The following PRR14L variants were observed in gnomAD, a reference collection of about 807,000 sequenced individuals.
PRR14L encodes proline rich 14 like.
A neutral mutation model predicts 155.0 loss-of-function variants in PRR14L; 80 were observed. The observed-to-expected ratio is 0.52, with a 90% confidence interval of 0.43 to 0.62. PRR14L has a LOEUF of 0.62. PRR14L is among the 20% of genes least tolerant of loss of function. PRR14L has a pLI of 0.00. For missense variants in PRR14L, 2,469 were observed against 2,548.0 expected, an observed-to-expected ratio of 0.97 and a Z score of 0.67; for synonymous variants, 883 against 916.0, an observed-to-expected ratio of 0.96 and a Z score of 0.65.
intron 3 of PRR14L, 129 bp downstream of exon 3, chr22:31,725,409 T>C (rs953474444): frequency 2.4e-5 from 16 of 655,484 alleles, no homozygotes; most frequent in African/African-American, 2.0e-4. Flanking sequence ...AAGTTACAGT[T>C]TCTATAGTTA....
At chr22:31,723,533 T>C (rs1004160908) in intron 3 of PRR14L, among the ~76,000 whole-genome samples, 7 of 152,200 alleles carry the variant, frequency 4.6e-5, no homozygotes, top group African/African-American at 1.7e-4. Flanking sequence ...ACAGCAATAC[T>C]GGAGCCCAAC....
In PRR14L at chr22:31,685,693, C is replaced by T. The variant is rs1178245360; in HGVS notation, c.6290G>A (p.Arg2097Gln). ...GACTTTGCCTCGAGCTCTCCTCTTT[C>T]GCGGGACTGTAAAATCCTGAAATTC... ...VLEFQDFTVP[R>Q]KRRARGKVKV... Residue 2097 changes from arginine to glutamine, a missense_variant, in exon 9 of 9, where the codon CGA (arginine) becomes CAA (glutamine). Transcript: ENST00000327423. 5.8e-6 allele frequency: 9 copies of T among 1,551,720 alleles called. No individual in the cohort carries two copies. Among genetic ancestry groups the T allele is most frequent in the East Asian group, 2.4e-5 (1 of 40,926 alleles).
chr22:31,730,653 T>A (rs971515335), intron 2 of PRR14L, among the ~76,000 whole-genome samples: 1 of 152,164 alleles, frequency 6.6e-6, no homozygotes, highest in African/African-American at 2.4e-5. Context: ...CTAATAAATA[T>A]CTTGTAGGGA....
At chr22:31,726,276 G>A (rs1039278399) in intron 2 of PRR14L, among the ~76,000 whole-genome samples, 2 of 151,642 alleles carry the variant, frequency 1.3e-5, no homozygotes, top group Admixed American at 6.6e-5. Context: ...GATTACAGGC[G>A]CCCACCACTA....
rs956355941 is a variant in PRR14L at position 31,713,158 on chromosome 22, C to T, written c.4681G>A (p.Ala1561Thr). Residue 1561 changes from alanine to threonine, a missense_variant, in exon 4 of 9, where the codon GCG becomes ACG. Physicochemically the swap from Ala to Thr is moderately conservative, Grantham distance 58. Around this residue, in one of 2 missense-constraint regions of PRR14L, gnomAD observed 2,363 missense variants for 2,371.6 expected, o/e 1.00. Transcript: ENST00000327423. Reference sequence around the variant, plus strand: ...GTACACAAACTGAGAAGTCTGTGCGCTTTTGTGGGGATGGGATTGGAAGAA... The same window carrying T: ...GTACACAAACTGAGAAGTCTGTGCGTTTTTGTGGGGATGGGATTGGAAGAA... ...KSSSNPIPTKAHRLLSLCTLS... is the reference protein window; with the variant it reads ...KSSSNPIPTKTHRLLSLCTLS... 6.4e-6 allele frequency: 10 copies of T among 1,551,870 alleles called. No individual in the cohort carries two copies. The African/African-American group carries it at 1.4e-4, about 21-fold the overall frequency.
At position 31,716,423 on chromosome 22, in the gene PRR14L, T is replaced by G; in HGVS notation, c.1416A>C (p.Leu472Phe). The change falls in exon 4 of 9, where the codon TTA becomes TTC. Residue 472 changes from leucine (L) to phenylalanine (F), a missense_variant. Leu to Phe is a conservative substitution (Grantham distance 22, BLOSUM62 0). Transcript: ENST00000327423. ...NSFTEATEVMLNKNDLKITVH... is the reference protein window; with the variant it reads ...NSFTEATEVMFNKNDLKITVH... ...CAGTAATTTTCAAATCATTTTTATTTAACATTACTTCTGTGGCTTCAGTAA... is the reference window on the plus strand; with the variant it reads ...CAGTAATTTTCAAATCATTTTTATTGAACATTACTTCTGTGGCTTCAGTAA... The G allele has an allele frequency of 6.4e-7, 1 of 1,550,730 alleles. No individual in the cohort carries two copies. The highest frequency in any genetic ancestry group is 2.4e-5 in the East Asian group (1 of 40,912).
At chr22:31,727,990 A>G (rs967981279) in intron 2 of PRR14L, among the ~76,000 whole-genome samples, 14 of 152,022 alleles carry the variant, frequency 9.2e-5, no homozygotes, top group Admixed American at 6.6e-4. Flanking sequence ...GAAAAAAAAA[A>G]AAAAGAAAAG....
chr22:31,703,702 C>A lies in PRR14L; in HGVS notation c.5848G>T (p.Ala1950Ser). ...SQTRLEPPFP[A>S]LVPKSCLVAE... ...ACCAAGCAAGACTTTGGTACCAAGGCAGGGAATGGAGGCTCCAGCCTAGCA... is the reference window on the plus strand; with the variant it reads ...ACCAAGCAAGACTTTGGTACCAAGGAAGGGAATGGAGGCTCCAGCCTAGCA... Residue 1950 changes from alanine to serine, a missense_variant, in exon 6 of 9, where the codon GCC (alanine) becomes TCC (serine). Physicochemically the swap from Ala to Ser is moderately conservative, Grantham distance 99. Coordinates refer to ENST00000327423, the MANE Select transcript of PRR14L (RefSeq NM_173566.3). 1 of 1,595,268 alleles carries A rather than the reference C, an allele frequency of 6.3e-7. No homozygotes were observed. The highest frequency in any genetic ancestry group is 8.5e-7 in the Non-Finnish European group (1 of 1,169,782).
chr22:31,716,372 G>A lies in PRR14L; in HGVS notation c.1467C>T (p.Asn489=), dbSNP rs528766837. The A allele has an allele frequency of 1.4e-5, 21 of 1,550,508 alleles. No individual in the cohort carries two copies. In the East Asian group the frequency reaches 3.9e-4, roughly 29 times the overall value. The change falls in exon 4 of 9, where the codon AAC becomes AAT. Residue 489 remains asparagine, a synonymous_variant. Transcript: ENST00000327423. ...TAAAAGTTTCTTTATGGTCCTCAGG[G>A]TTTGTCAAGTTACCTTGAACGTGTA... ...ITVHVQGNLT[N]PEDHKETFTN... is the part of the protein sequence containing the mutation.
At chr22:31,696,445 TTAA>T (rs1750308258) in intron 7 of PRR14L, among the ~76,000 whole-genome samples, 1 of 152,036 alleles carries the variant, frequency 6.6e-6, no homozygotes, top group Non-Finnish European at 1.5e-5. Context: ...CGCCTTATTA[TTAA>T]TTTTTGTAGA....
At position 31,715,543 on chromosome 22, in the gene PRR14L, C is replaced by A. The variant is rs2074652557; in HGVS notation, c.2296G>T (p.Ala766Ser). ...SRLRSNKREA[A>S]GFPQVVSVIE... ...ACAGAGACCACTTGAGGAAAGCCAG[C>A]TGCTTCTCTCTTATTTGAGCGCAGC... Residue 766 changes from alanine to serine, a missense_variant, in exon 4 of 9, where the codon GCT becomes TCT. Ala to Ser is a moderately conservative substitution (Grantham distance 99, BLOSUM62 1). Around this residue, in one of 2 missense-constraint regions of PRR14L, gnomAD observed 2,363 missense variants for 2,371.6 expected, o/e 1.00. Coordinates refer to ENST00000327423, the MANE Select transcript of PRR14L (RefSeq NM_173566.3). The A allele has an allele frequency of 6.4e-7, 1 of 1,552,000 alleles. No homozygotes were observed. Among genetic ancestry groups the A allele is most frequent in the Non-Finnish European group, 8.7e-7 (1 of 1,147,062 alleles).
intron 1 of PRR14L, among the ~76,000 whole-genome samples, chr22:31,740,354 G>C (rs1253352180): frequency 6.6e-6 from 1 of 152,136 alleles, no homozygotes; most frequent in African/African-American, 2.4e-5. Flanking sequence ...AGAGTAGCTG[G>C]GACTACAGGC....
intron 6 of PRR14L, among the ~76,000 whole-genome samples, chr22:31,703,250 C>T (rs2074572247): frequency 6.6e-6 from 1 of 152,238 alleles, no homozygotes; most frequent in African/African-American, 2.4e-5. Flanking sequence ...TGAACATCAT[C>T]ACCATCCACT....
At chr22:31,737,064 C>T (rs1319546478) in intron 2 of PRR14L, among the ~76,000 whole-genome samples, 4 of 141,150 alleles carry the variant, frequency 2.8e-5, no homozygotes, top group African/African-American at 7.9e-5. Context: ...AAAAGGAGAC[C>T]ATATGACCTG....
intron 4 of PRR14L, among the ~76,000 whole-genome samples, chr22:31,711,776 CAAAAAA>C (rs757790329): frequency 7.2e-4 from 35 of 48,728 alleles, no homozygotes; most frequent in East Asian, 3.3e-3. Flanking sequence ...AAGAGTTAAT[CAAAAAA>C]AAAAAAAAAA....
rs2074478572 is a variant in PRR14L, at chr22:31,685,617, T to C, written c.6366A>G (p.Arg2122=). 6.4e-7 allele frequency: 1 copy of C among 1,551,868 alleles called. No homozygotes were observed. Among genetic ancestry groups the C allele is most frequent in the Non-Finnish European group, 8.7e-7 (1 of 1,147,058 alleles). ...TRAQKAAVQS[R]ELDALLIQKL... ...TCTGTATCAAAAGAGCATCCAGCTCTCGACTCTGCACAGCTGCCTTCTGGG... is the reference window on the plus strand; with the variant it reads ...TCTGTATCAAAAGAGCATCCAGCTCCCGACTCTGCACAGCTGCCTTCTGGG... Residue 2122 remains arginine, a synonymous_variant, in exon 9 of 9, where the codon CGA becomes CGG. Coordinates refer to ENST00000327423, the MANE Select transcript of PRR14L (RefSeq NM_173566.3).
At chr22:31,743,873 A>C (rs1262663030) in intron 1 of PRR14L, among the ~76,000 whole-genome samples, 1 of 152,036 alleles carries the variant, frequency 6.6e-6, no homozygotes, top group Non-Finnish European at 1.5e-5. Flanking sequence ...TTCACTTGCA[A>C]GAATGGCACC....
Position 31,725,616 on chromosome 22 carries a change from G to GT in PRR14L, c.475-7dup. 1 of 1,540,974 alleles carries GT rather than the reference G, an allele frequency of 6.5e-7. No homozygotes were observed. The highest frequency in any genetic ancestry group is 8.8e-7 in the Non-Finnish European group (1 of 1,137,344). On this transcript the variant is annotated splice_polypyrimidine_tract_variant and splice_region_variant and intron_variant, in intron 2 of 8. Transcript: ENST00000327423. Reference sequence around the variant, plus strand: ...GACTGCATCAGGAGATCCTCCTACAGTAAGAAAATCCAGTGGTCAAGGGGG... The same window carrying GT: ...GACTGCATCAGGAGATCCTCCTACAGTTAAGAAAATCCAGTGGTCAAGGGGG...
chr22:31,707,619 T>C (rs982011305), intron 4 of PRR14L, among the ~76,000 whole-genome samples: 1 of 152,042 alleles, frequency 6.6e-6, no homozygotes, highest in Non-Finnish European at 1.5e-5. Context: ...TTTCCTGACC[T>C]TGTGATCCAC....
Sources: gnomAD v4.1 joint callset for allele counts (sites outside exome capture counted in the v4.1 genomes callset) on GRCh38, gnomAD v4.1.1 for gene constraint, gnomAD v4.1.1 regional missense constraint, MANE v1.5 for transcripts, NCBI Gene and HGNC (gene_info 2026-07-23, HGNC 2026-07-21) for gene names.